ERCC6L2: variants seen among roughly 807,000 people sequenced by gnomAD.
ERCC6L2 encodes DNA excision repair protein ERCC-6-like 2.
Under a neutral mutation model 132.0 loss-of-function variants are expected in ERCC6L2, and 77 were observed. The ratio of observed to expected loss-of-function variants is 0.58; its 90% CI spans 0.49 to 0.71. The LOEUF (loss-of-function observed/expected upper bound fraction) is 0.71, where lower values mean the gene tolerates loss of function less well. Among genes scored for constraint, ERCC6L2 ranks in the 30% least tolerant of loss-of-function variants. The probability of loss-of-function intolerance (pLI) is 0.00; values close to 1 mark genes in which losing one functional copy is unlikely to be tolerated. For synonymous variants in ERCC6L2, 583 were observed against 632.4 expected, an observed-to-expected ratio of 0.92 and a Z score of 1.17; for missense variants, 1,542 against 1,837.6, an observed-to-expected ratio of 0.84 and a Z score of 2.94.
At chr9:95,922,850 T>C (rs1330963155) in intron 8 of ERCC6L2, among the ~76,000 whole-genome samples, 1 of 152,198 alleles carries the variant, frequency 6.6e-6, no homozygotes, top group African/African-American at 2.4e-5. Context: ...TTTGGTTGTT[T>C]CCTTTTATTC....
At chr9:95,928,017 A>G (rs1830174445) in intron 9 of ERCC6L2, 62 bp from the exon 10 acceptor site, 1 of 1,047,580 alleles carries the variant, frequency 9.5e-7, no homozygotes. Flanking sequence ...AGTGATGTTT[A>G]TATGTATAAA....
chr9:96,023,071 AGTCAGGG>A (rs1834317137), downstream of ERCC6L2, among the ~76,000 whole-genome samples: 1 of 152,120 alleles, frequency 6.6e-6, no homozygotes. Context: ...TTGGTTGGTG[AGTCAGGG>A]GTCAGCAGTG....
chr9:95,898,932 A>C (rs998385526), intron 3 of ERCC6L2, among the ~76,000 whole-genome samples: 1 of 152,070 alleles, frequency 6.6e-6, no homozygotes, highest in Non-Finnish European at 1.5e-5. Context: ...TATCAGATTC[A>C]ATGTGATCCT....
At chr9:95,957,624 G>A (rs769486618) in intron 13 of ERCC6L2, among the ~76,000 whole-genome samples, 6 of 151,684 alleles carry the variant, frequency 4.0e-5, no homozygotes, top group South Asian at 2.1e-4. Flanking sequence ...CTATTCATGC[G>A]ACTCATTTAA....
intron 11 of ERCC6L2, among the ~76,000 whole-genome samples, chr9:95,939,245 C>T (rs1041456103): frequency 1.2e-4 from 18 of 150,940 alleles, no homozygotes; most frequent in African/African-American, 3.4e-4. Flanking sequence ...TTCTGATCTT[C>T]CTCTTTCCTT....
intron 2 of ERCC6L2, among the ~76,000 whole-genome samples, chr9:95,882,015 A>T (rs1483683436): frequency 1.3e-5 from 2 of 152,150 alleles, no homozygotes; most frequent in Non-Finnish European, 2.9e-5. Context: ...TTCACTTCCT[A>T]GCCCACCTGT....
chr9:95,900,708 T>C (rs1828729871), intron 3 of ERCC6L2, among the ~76,000 whole-genome samples: 1 of 152,110 alleles, frequency 6.6e-6, no homozygotes, highest in African/African-American at 2.4e-5. Context: ...CTCTGTTGTT[T>C]TAAAATGTTG....
At chr9:95,963,580 A>G (rs1042481342) in intron 13 of ERCC6L2, among the ~76,000 whole-genome samples, 3 of 152,104 alleles carry the variant, frequency 2.0e-5, no homozygotes, top group Non-Finnish European at 4.4e-5. Flanking sequence ...ATTAACTTTG[A>G]TAAAACATGA....
intron 20 of ERCC6L2, among the ~76,000 whole-genome samples, chr9:96,040,949 G>C (rs1002756323): frequency 6.6e-6 from 1 of 152,194 alleles, no homozygotes; most frequent in African/African-American, 2.4e-5. Flanking sequence ...TATGCTAATG[G>C]GCCCCCTCTG....
At chr9:96,019,536 T>C (rs1413381706), downstream of ERCC6L2, among the ~76,000 whole-genome samples, 1 of 152,096 alleles carries the variant, frequency 6.6e-6, no homozygotes, top group East Asian at 1.9e-4. Context: ...TCTCTCAGCT[T>C]CCTGCTCACC....
At chr9:96,006,657 G>A (rs1204258382) in intron 18 of ERCC6L2, among the ~76,000 whole-genome samples, 1 of 152,172 alleles carries the variant, frequency 6.6e-6, no homozygotes, top group Admixed American at 6.5e-5. Context: ...GGTGAAAACA[G>A]AAAGAGGGAG....
rs951260713 is a variant in ERCC6L2 at position 96,014,869 on chromosome 9, A to G, written c.*1666A>G. 1.4e-4 allele frequency among the ~76,000 whole-genome samples: 21 copies of G among 152,208 alleles called. 1 individual carries two copies. The highest frequency in any genetic ancestry group is 1.5e-5 in the Non-Finnish European group (1 of 68,036). Reference sequence around the variant, plus strand: ...GACTTGTAGATGTTTTCAGCCTACAATGTGATCAGCTATCTGAGGAACTCC... The same window carrying G: ...GACTTGTAGATGTTTTCAGCCTACAGTGTGATCAGCTATCTGAGGAACTCC... On this transcript the variant is annotated 3_prime_UTR_variant, in exon 19 of 19. Coordinates refer to ENST00000653738, the MANE Select transcript of ERCC6L2 (RefSeq NM_020207.7).
intron 3 of ERCC6L2, among the ~76,000 whole-genome samples, chr9:95,906,314 A>G (rs1013469483): frequency 1.3e-5 from 2 of 152,154 alleles, no homozygotes; most frequent in Non-Finnish European, 2.9e-5. Context: ...GAAATATTCT[A>G]ACATGCTTGT....
chr9:95,894,387 T>G (rs935690975), intron 2 of ERCC6L2, among the ~76,000 whole-genome samples: 1 of 152,316 alleles, frequency 6.6e-6, no homozygotes, highest in Admixed American at 6.5e-5. Context: ...GTATTGTTAC[T>G]CATTATTTAA....
chr9:95,898,343 G>T (rs932720983), intron 3 of ERCC6L2, among the ~76,000 whole-genome samples: 1 of 152,186 alleles, frequency 6.6e-6, no homozygotes, highest in Non-Finnish European at 1.5e-5. Flanking sequence ...ATGAAAAGGC[G>T]ATAGTTACAG....
chr9:96,007,637 G>A (rs538793167), intron 18 of ERCC6L2, among the ~76,000 whole-genome samples: 2 of 152,316 alleles, frequency 1.3e-5, no homozygotes, highest in East Asian at 3.9e-4. Flanking sequence ...TGCAAGGGCC[G>A]CATGGGAAGA....
chr9:96,024,142 A>G (rs1834331142), intron 19 of ERCC6L2, among the ~76,000 whole-genome samples: 2 of 152,260 alleles, frequency 1.3e-5, no homozygotes. Flanking sequence ...CTATTGCTCC[A>G]GAAACCAAAG....
intron 17 of ERCC6L2, among the ~76,000 whole-genome samples, chr9:96,000,366 G>A (rs906799346): frequency 3.9e-5 from 6 of 152,054 alleles, no homozygotes; most frequent in African/African-American, 1.2e-4. Flanking sequence ...TCTTGCTTTT[G>A]TCAGTTTCAA....
At chr9:95,997,015 T>A (rs147706084) in intron 17 of ERCC6L2, among the ~76,000 whole-genome samples, 1 of 152,312 alleles carries the variant, frequency 6.6e-6, no homozygotes, top group Non-Finnish European at 1.5e-5. Context: ...GGAGAATCAC[T>A]TGAAACCAGG....
Sources: gnomAD v4.1 joint callset for allele counts (sites outside exome capture counted in the v4.1 genomes callset) on GRCh38, gnomAD v4.1.1 for gene constraint, MANE v1.5 for transcripts, NCBI Gene and HGNC (gene_info 2026-07-23, HGNC 2026-07-21) for gene names.